The following CAST variants were observed in gnomAD, a reference collection of about 807,000 sequenced individuals.
The protein encoded by CAST is MIR583 host.
A neutral mutation model predicts 119.6 loss-of-function variants in CAST; 76 were observed. The observed-to-expected ratio is 0.64, with a 90% confidence interval of 0.53 to 0.77. The LOEUF is 0.77. Ranked by LOEUF, CAST falls within the 30% of genes least tolerant of loss-of-function variation. The pLI is 0.00. For missense variants in CAST, 953 were observed against 946.5 expected (o/e 1.01, Z -0.09); for synonymous variants, 319 against 331.6 (o/e 0.96, Z 0.41).
At chr5:96,131,313 T>C in the CAST span, among the ~76,000 whole-genome samples, 9 of 152,216 alleles carry the variant, frequency 5.9e-5, no homozygotes, top group East Asian at 5.8e-4. Context: ...ACCCTTTCTA[T>C]GTGCCTCTAA....
the CAST span, among the ~76,000 whole-genome samples, chr5:96,388,653 C>G: frequency 6.6e-6 from 1 of 152,176 alleles, no homozygotes; most frequent in African/African-American, 2.4e-5. Flanking sequence ...TATAGCTTTG[C>G]AAATTACAAG....
chr5:96,373,951 C>G, the CAST span, among the ~76,000 whole-genome samples: 1 of 152,026 alleles, frequency 6.6e-6, no homozygotes, highest in Admixed American at 6.6e-5. Context: ...TCTCACTTAT[C>G]TACTTGAATT....
the CAST span, among the ~76,000 whole-genome samples, chr5:96,249,990 C>G: frequency 2.0e-5 from 3 of 152,192 alleles, no homozygotes; most frequent in Admixed American, 2.0e-4. Context: ...CTCCTGCTTT[C>G]ACCTATCCTC....
chr5:96,009,236 C>T, the CAST span, among the ~76,000 whole-genome samples: 10 of 152,238 alleles, frequency 6.6e-5, no homozygotes, highest in South Asian at 6.2e-4. Flanking sequence ...GGTTGGTTTA[C>T]GTCTTTGCTA....
At chr5:96,656,891 A>G (rs1049276517) in intron 1 of CAST, among the ~76,000 whole-genome samples, 2 of 152,140 alleles carry the variant, frequency 1.3e-5, no homozygotes, top group African/African-American at 4.8e-5. Context: ...AAGATTCTGC[A>G]TGTGCCCCAA....
At chr5:96,039,203 A>AT in the CAST span, among the ~76,000 whole-genome samples, 9 of 151,836 alleles carry the variant, frequency 5.9e-5, no homozygotes, top group Non-Finnish European at 1.2e-4. Flanking sequence ...TCCTTTGCCC[A>AT]TTTTTTTGAT....
Position 96,597,830 on chromosome 5 carries a change from G to A in CAST, c.60+67950G>A, listed in dbSNP as rs190569156. On this transcript the variant is annotated intron_variant, in intron 1 of 11. Coordinates refer to the CAST transcript ENST00000505143. ...AATATCATCCCTCTAGATGTGTAAA[G>A]TGGGGGTCAGGGTGGTTTTGTGGCT... is the stretch of plus-strand genomic sequence containing the variant. 2.0e-5 allele frequency among the ~76,000 whole-genome samples: 3 copies of A among 152,180 alleles called. No individual in the cohort carries two copies. The East Asian group carries it at 5.8e-4, about 29-fold the overall frequency.
chr5:96,204,288 G>A, the CAST span, among the ~76,000 whole-genome samples: 1 of 152,012 alleles, frequency 6.6e-6, no homozygotes, highest in Admixed American at 6.6e-5. Flanking sequence ...GTCCAGGATA[G>A]AGCAGCTGTT....
chr5:96,019,377 T>C, the CAST span, among the ~76,000 whole-genome samples: 1 of 152,200 alleles, frequency 6.6e-6, no homozygotes, highest in Non-Finnish European at 1.5e-5. Context: ...TCTGTACATA[T>C]AGAGCATTTG....
At chr5:96,074,673 G>A in the CAST span, among the ~76,000 whole-genome samples, 4 of 152,222 alleles carry the variant, frequency 2.6e-5, no homozygotes, top group Non-Finnish European at 5.9e-5. Flanking sequence ...TGACGAATGA[G>A]AAGGCATATT....
chr5:96,023,002 G>A, the CAST span, among the ~76,000 whole-genome samples: 5 of 152,090 alleles, frequency 3.3e-5, no homozygotes, highest in Admixed American at 2.0e-4. Context: ...CTAAATAACC[G>A]GGATTAACTA....
At chr5:96,593,702 T>A (rs1747003826) in intron 1 of CAST, among the ~76,000 whole-genome samples, 1 of 152,168 alleles carries the variant, frequency 6.6e-6, no homozygotes, top group Non-Finnish European at 1.5e-5. Context: ...GAGTGAATGC[T>A]TCATGAATAG....
At chr5:96,746,302 A>T (rs771021729) in intron 16 of CAST, 40 bp from the exon 17 acceptor site, 1 of 1,109,956 alleles carries the variant, frequency 9.0e-7, no homozygotes, top group African/African-American at 1.5e-5. Flanking sequence ...CATTATGTGC[A>T]TTATCCAACT....
At chr5:96,011,995 G>A in the CAST span, among the ~76,000 whole-genome samples, 1 of 151,930 alleles carries the variant, frequency 6.6e-6, no homozygotes, top group Non-Finnish European at 1.5e-5. Flanking sequence ...AGATGTACTG[G>A]GTGTCTGGTA....
At chr5:96,649,808 G>A (rs1748069980) in intron 1 of CAST, among the ~76,000 whole-genome samples, 1 of 152,174 alleles carries the variant, frequency 6.6e-6, no homozygotes, top group Admixed American at 6.5e-5. Context: ...TCCTGTTAGA[G>A]TTGCATTTAA....
the CAST span, among the ~76,000 whole-genome samples, chr5:96,039,822 G>GT: frequency 6.6e-6 from 1 of 152,168 alleles, no homozygotes; most frequent in Non-Finnish European, 1.5e-5. Context: ...CTCCAGCATT[G>GT]TTCTTCTTGC....
the CAST span, among the ~76,000 whole-genome samples, chr5:96,461,850 C>T: frequency 6.6e-6 from 1 of 152,098 alleles, no homozygotes; most frequent in South Asian, 2.1e-4. Flanking sequence ...TGATGTACAT[C>T]AAGTGATTAA....
At chr5:96,021,318 T>A in the CAST span, among the ~76,000 whole-genome samples, 4 of 152,200 alleles carry the variant, frequency 2.6e-5, no homozygotes, top group Admixed American at 1.3e-4. Flanking sequence ...AATTTTTTTT[T>A]AATTATAGAT....
rs140524910 is a variant in CAST at position 96,743,729 on chromosome 5, C to T, written c.1200+973C>T. The stretch of plus-strand genomic sequence containing the variant: ...ACGCAGAGGAGCAAGAGAAGCAGTT[C>T]GTATCTTCCAGGACCAAGTAATGTA... On this transcript the variant is annotated intron_variant, in intron 16 of 31. Transcript: ENST00000675179. The T allele has an allele frequency of 2.9e-4, 471 of 1,602,994 alleles. 2 individuals carry two copies. The highest frequency in any genetic ancestry group is 6.6e-4 in the South Asian group (60 of 90,354).
Sources: allele counts gnomAD v4.1 joint callset (sites outside exome capture counted in the v4.1 genomes callset), GRCh38; gene constraint gnomAD v4.1.1; transcripts MANE v1.5; gene names NCBI Gene and HGNC (gene_info 2026-07-23, HGNC 2026-07-21).